The following ADARB1 variants were observed in gnomAD, a reference collection of about 807,000 sequenced individuals.
ADARB1 encodes the protein adenosine deaminase RNA specific B1, also known as double-stranded RNA-specific editase 1.
In ADARB1, 10 loss-of-function variants were observed where a neutral mutation model predicts 52.4. The ratio of observed to expected loss-of-function variants is 0.19; its 90% CI spans 0.12 to 0.32. The LOEUF (loss-of-function observed/expected upper bound fraction) is 0.32, where lower values mean the gene tolerates loss of function less well. Ranked by LOEUF, ADARB1 falls within the 10% of genes least tolerant of loss-of-function variation. ADARB1 has a pLI of 1.00. For missense variants in ADARB1, 643 were observed against 922.3 expected (o/e 0.70, Z 3.92); for synonymous variants, 349 against 371.1 (o/e 0.94, Z 0.68).
intron 1 of ADARB1, among the ~76,000 whole-genome samples, chr21:45,101,740 G>A (rs2087027868): frequency 6.6e-6 from 1 of 152,232 alleles, no homozygotes; most frequent in Admixed American, 6.5e-5. Flanking sequence ...AGCTTTTGGA[G>A]TTTTTGAATG....
Position 45,225,623 on chromosome 21 carries a change from T to C in ADARB1, c.*3426T>C, listed in dbSNP as rs1046481397. On this transcript the variant is annotated 3_prime_UTR_variant, in exon 11 of 11. Coordinates refer to ENST00000348831, the MANE Select transcript of ADARB1 (RefSeq NM_001112.4). ...ATGGGATTAGCGAAGCTGTGGAGAC[T>C]GCACATCCGGACCTGCCCATGTCTC... The C allele has an allele frequency of 1.6e-6, 2 of 1,265,192 alleles. No homozygotes were observed. The highest frequency in any genetic ancestry group is 6.1e-5 in the Admixed American group (2 of 32,882). The allele number at this position is 1,265,192 out of a possible 1,614,324, so 78.4% of individuals were successfully genotyped here.
chr21:45,225,670 G>T lies in ADARB1; in HGVS notation c.*3473G>T, dbSNP rs572881144. 1.0e-5 allele frequency: 10 copies of T among 984,012 alleles called. No individual in the cohort carries two copies. In the East Asian group the frequency reaches 2.6e-4, roughly 26 times the overall value. The allele number at this position is 984,012 out of a possible 1,614,324, so 61.0% of individuals were successfully genotyped here. On this transcript the variant is annotated 3_prime_UTR_variant, in exon 11 of 11. Transcript: ENST00000348831. Reference sequence around the variant, plus strand: ...TCTCAAAACAAACACATGTACAGTGGCTCTTTTTCCTTCTCAAACACTTTA... The same window carrying T: ...TCTCAAAACAAACACATGTACAGTGTCTCTTTTTCCTTCTCAAACACTTTA...
chr21:45,102,297 GA>G (rs1167996234), intron 1 of ADARB1, among the ~76,000 whole-genome samples: 1 of 152,134 alleles, frequency 6.6e-6, no homozygotes, highest in African/African-American at 2.4e-5. Flanking sequence ...TGATTTCTTG[GA>G]AGTAATTACG....
At chr21:45,149,814 G>A (rs1017469534) in intron 2 of ADARB1, among the ~76,000 whole-genome samples, 3 of 152,188 alleles carry the variant, frequency 2.0e-5, no homozygotes, top group Admixed American at 6.5e-5. Context: ...GGCCTAATGC[G>A]GGGCTAGCGC....
chr21:45,184,625 AT>A, intron 7 of ADARB1: 1 of 314,818 alleles, frequency 3.2e-6, no homozygotes, highest in Non-Finnish European at 6.3e-6. Flanking sequence ...TAATTTTTAT[AT>A]TTTTTATAGA....
At chr21:45,075,039 C>A (rs1357228148) in intron 1 of ADARB1, among the ~76,000 whole-genome samples, 2 of 150,742 alleles carry the variant, frequency 1.3e-5, no homozygotes, top group African/African-American at 2.4e-5. Flanking sequence ...GGCCCCGCGT[C>A]CCCTCCCGAG....
chr21:45,097,503 G>A (rs556366655), intron 1 of ADARB1, among the ~76,000 whole-genome samples: 3 of 152,000 alleles, frequency 2.0e-5, no homozygotes, highest in Admixed American at 2.0e-4. Flanking sequence ...GAGTTGTGCC[G>A]TGGAAGGGTC....
chr21:45,225,835 G>T lies in ADARB1; in HGVS notation c.*3638G>T, dbSNP rs1349626625. The T allele has an allele frequency of 1.1e-5, 4 of 356,290 alleles. No homozygotes were observed. The highest frequency in any genetic ancestry group is 1.5e-5 in the Non-Finnish European group (3 of 199,414). The allele number at this position is 356,290 out of a possible 1,614,324, so 22.1% of individuals were successfully genotyped here. On this transcript the variant is annotated 3_prime_UTR_variant, in exon 11 of 11. Coordinates refer to ENST00000348831, the MANE Select transcript of ADARB1 (RefSeq NM_001112.4). The stretch of plus-strand genomic sequence containing the variant: ...ACGCTGTGTAAGTGGAAAGGGCATT[G>T]TGTTCCGTGTGTGTCCAGTTTACAG...
chr21:45,088,994 C>T (rs549552560), intron 1 of ADARB1, among the ~76,000 whole-genome samples: 28 of 152,248 alleles, frequency 1.8e-4, no homozygotes, highest in Middle Eastern at 3.4e-3. Flanking sequence ...CTGGAAACAC[C>T]GAGGATTGGT....
chr21:45,198,036 A>G (rs538724789), intron 8 of ADARB1, among the ~76,000 whole-genome samples: 77 of 152,270 alleles, frequency 5.1e-4, no homozygotes, highest in African/African-American at 1.8e-3. Flanking sequence ...GTTGTACCGC[A>G]GTAACTCCAG....
chr21:45,133,838 G>C lies in ADARB1; in HGVS notation c.-48+5265G>C, dbSNP rs1425923625. On this transcript the variant is annotated intron_variant, in intron 2 of 10. Coordinates refer to ENST00000348831, the MANE Select transcript of ADARB1 (RefSeq NM_001112.4). ...GGGTGTGTGTGCCCGACAGTGGTGT[G>C]TGCGCCCGCCGGGTGTGCGCCCGAC... Among the ~76,000 whole-genome samples, 4 of 143,376 alleles carry C rather than the reference G, an allele frequency of 2.8e-5. No individual in the cohort carries two copies. The East Asian group carries it at 8.5e-4, about 31-fold the overall frequency. 94.1% of individuals were successfully genotyped at this position (143,376 alleles called of 152,430 possible).
At chr21:45,195,290 A>G (rs1451961836) in intron 8 of ADARB1, among the ~76,000 whole-genome samples, 1 of 152,086 alleles carries the variant, frequency 6.6e-6, no homozygotes, top group Non-Finnish European at 1.5e-5. Context: ...AGTTTTTTGT[A>G]TATTTGGAAG....
At chr21:45,183,941 C>T (rs1241120265) in intron 7 of ADARB1, among the ~76,000 whole-genome samples, 4 of 152,108 alleles carry the variant, frequency 2.6e-5, no homozygotes, top group Admixed American at 1.3e-4. Context: ...ATATTTTTTT[C>T]CATCCTTCTT....
intron 3 of ADARB1, among the ~76,000 whole-genome samples, chr21:45,175,028 A>G (rs1444543434): frequency 2.0e-5 from 3 of 152,132 alleles, no homozygotes; most frequent in Non-Finnish European, 4.4e-5. Context: ...CCCCATATAT[A>G]ATATTCTCAT....
intron 1 of ADARB1, among the ~76,000 whole-genome samples, chr21:45,075,574 G>T (rs959450595): frequency 6.6e-6 from 1 of 152,282 alleles, no homozygotes; most frequent in South Asian, 2.1e-4. Flanking sequence ...ATCTGGGGCA[G>T]TTGGGGGCCC....
intron 3 of ADARB1, among the ~76,000 whole-genome samples, chr21:45,173,593 T>C (rs2091573146): frequency 6.6e-6 from 1 of 151,864 alleles, no homozygotes; most frequent in South Asian, 2.1e-4. Context: ...TAAATGCATG[T>C]CCAAATACAT....
intron 4 of ADARB1, among the ~76,000 whole-genome samples, chr21:45,178,536 C>G (rs918049777): frequency 6.6e-6 from 1 of 152,214 alleles, no homozygotes; most frequent in Admixed American, 6.5e-5. Context: ...CTTGTAGGAC[C>G]CGGGTGGCCC....
chr21:45,152,616 C>T (rs1311353456), intron 2 of ADARB1: 2 of 434,030 alleles, frequency 4.6e-6, no homozygotes, highest in Non-Finnish European at 9.3e-6. Context: ...TGCATGGCGT[C>T]GTCCACCACT....
rs552509590 is a variant in ADARB1, at chr21:45,198,936, A to C, written c.1566-5619A>C. Among the ~76,000 whole-genome samples the C allele has an allele frequency of 4.6e-4, 70 of 152,220 alleles. 1 individual carries two copies. The highest frequency in any genetic ancestry group is 9.3e-4 in the Non-Finnish European group (63 of 68,044). On this transcript the variant is annotated intron_variant, in intron 8 of 10. Transcript: ENST00000348831. ...AAATCTTATTTTTTCATAGTACTTAAAAGTTGAATCCCAACATGGCAATAG... is the reference window on the plus strand; with the variant it reads ...AAATCTTATTTTTTCATAGTACTTACAAGTTGAATCCCAACATGGCAATAG...
Sources: gnomAD v4.1 joint callset for allele counts (sites outside exome capture counted in the v4.1 genomes callset) on GRCh38, gnomAD v4.1.1 for gene constraint, MANE v1.5 for transcripts, NCBI Gene and HGNC (gene_info 2026-07-23, HGNC 2026-07-21) for gene names.